Variants in MORN1 observed in about 807,000 individuals in gnomAD.
MORN1 encodes the protein MORN repeat containing 1.
Under a neutral mutation model 61.9 loss-of-function variants are expected in MORN1, and 67 were observed. That is an observed-to-expected ratio of 1.08 (90% CI 0.89 to 1.33). The LOEUF (loss-of-function observed/expected upper bound fraction) is 1.33, where lower values mean the gene tolerates loss of function less well. Ranked by LOEUF, MORN1 falls within the 40% of genes most tolerant of loss-of-function variation. MORN1 has a pLI of 0.00. For missense variants in MORN1, 752 were observed against 691.2 expected (o/e 1.09, Z -0.99); for synonymous variants, 301 against 292.0 (o/e 1.03, Z -0.31).
At chr1:2,354,291 A>G (rs2840530) in intron 10 of MORN1, among the ~76,000 whole-genome samples, 23,579 of 152,140 alleles carry the variant, frequency 0.15, 2,494 homozygotes, top group Admixed American at 0.32. Context: ...TAAGAAAAGG[A>G]AAGTAAAAGC....
At chr1:2,333,221 G>A (rs541108057) in intron 12 of MORN1, among the ~76,000 whole-genome samples, 3 of 152,340 alleles carry the variant, frequency 2.0e-5, no homozygotes, top group African/African-American at 4.8e-5. Context: ...CAGTGGGCAC[G>A]TCTAGCAGGG....
At chr1:2,360,852 G>A (rs949718377) in intron 8 of MORN1, among the ~76,000 whole-genome samples, 64 of 152,182 alleles carry the variant, frequency 4.2e-4, no homozygotes, top group Non-Finnish European at 7.9e-4. Flanking sequence ...CACAGGAAGC[G>A]GGGGCAAGCT....
chr1:2,328,021 C>G (rs1641073637), intron 12 of MORN1, among the ~76,000 whole-genome samples: 2 of 152,240 alleles, frequency 1.3e-5, no homozygotes, highest in Admixed American at 1.3e-4. Context: ...AGCAGAGCTC[C>G]AGGGAGCGGC....
Position 2,335,367 on chromosome 1 carries a change from A to T in MORN1, c.1250+1102T>A, listed in dbSNP as rs146117550. Among the ~76,000 whole-genome samples the T allele has an allele frequency of 5.2e-3, 798 of 152,172 alleles. 8 individuals are homozygous for T. Among genetic ancestry groups the T allele is most frequent in the African/African-American group, 0.018 (753 of 41,514 alleles). ...CCCCGGCACACTCACACTCACACTCACGTCCGCTTCTGTTTGCCGGATGGG... is the reference window on the plus strand; with the variant it reads ...CCCCGGCACACTCACACTCACACTCTCGTCCGCTTCTGTTTGCCGGATGGG... On this transcript the variant is annotated intron_variant, in intron 12 of 13. Transcript: ENST00000378531.
chr1:2,326,030 G>A (rs1373731063), intron 12 of MORN1, among the ~76,000 whole-genome samples: 6 of 152,086 alleles, frequency 3.9e-5, no homozygotes, highest in Non-Finnish European at 8.8e-5. Flanking sequence ...ACCCTCCCGC[G>A]GCCTCCTCCC....
At chr1:2,323,714 G>T (rs187280826) in intron 13 of MORN1, 39 of 985,288 alleles carry the variant, frequency 4.0e-5, no homozygotes, top group Non-Finnish European at 4.7e-5. Flanking sequence ...CCCTGCAGCC[G>T]GCCTTGCTGG....
intron 10 of MORN1, among the ~76,000 whole-genome samples, chr1:2,356,860 C>T (rs951851706): frequency 7.2e-5 from 11 of 152,208 alleles, no homozygotes; most frequent in African/African-American, 2.2e-4. Context: ...AAGTCTAGGC[C>T]GCACATTCTA....
intron 10 of MORN1, chr1:2,351,505 G>A (rs1027825872): frequency 1.1e-5 from 2 of 178,234 alleles, no homozygotes; most frequent in African/African-American, 4.8e-5. Context: ...GGCAAAGACA[G>A]CCATTCTCCC....
Position 2,388,172 on chromosome 1 carries a change from C to T in MORN1, c.247+67G>A, listed in dbSNP as rs115356589. On this transcript the variant is annotated intron_variant, in intron 3 of 13. Coordinates refer to ENST00000378531, the MANE Select transcript of MORN1 (RefSeq NM_024848.3). ...ACGTCACGCCTTCTGCATCTAGACT[C>T]GGCGGACCAACTGAGCCCGATGGGT... The T allele has an allele frequency of 8.7e-5, 111 of 1,269,566 alleles. No individual in the cohort carries two copies. The African/African-American group carries it at 1.1e-3, about 13-fold the overall frequency. 78.6% of individuals were successfully genotyped at this position (1,269,566 alleles called of 1,614,324 possible).
intron 10 of MORN1, among the ~76,000 whole-genome samples, chr1:2,344,654 C>T (rs999870222): frequency 6.6e-5 from 10 of 152,228 alleles, no homozygotes; most frequent in African/African-American, 1.4e-4. Flanking sequence ...CGGCCTCCTT[C>T]CCTGGGGGCC....
At chr1:2,368,853 T>C (rs1020514915) in intron 8 of MORN1, among the ~76,000 whole-genome samples, 6 of 151,884 alleles carry the variant, frequency 4.0e-5, no homozygotes, top group Non-Finnish European at 8.8e-5. Context: ...GGTCAGAAGA[T>C]GGAGACCATT....
chr1:2,348,179 G>A (rs965381519), intron 10 of MORN1, among the ~76,000 whole-genome samples: 1 of 152,226 alleles, frequency 6.6e-6, no homozygotes, highest in Non-Finnish European at 1.5e-5. Flanking sequence ...TGGCGTCTTC[G>A]AAGCTTCCAG....
chr1:2,369,437 T>C (rs1642069755), intron 8 of MORN1, among the ~76,000 whole-genome samples: 1 of 151,848 alleles, frequency 6.6e-6, no homozygotes, highest in Non-Finnish European at 1.5e-5. Context: ...CTTTCATTGC[T>C]GGAGGTAATG....
At chr1:2,335,557 C>T (rs535889372) in intron 12 of MORN1, among the ~76,000 whole-genome samples, 5 of 152,310 alleles carry the variant, frequency 3.3e-5, no homozygotes, top group Admixed American at 2.6e-4. Context: ...CCACCCCTGT[C>T]CCAGGAGGGC....
Position 2,363,811 on chromosome 1 carries a change from A to AAATAT in MORN1, c.746-5097_746-5096insATATT, listed in dbSNP as rs1199100386. 3.1e-3 allele frequency among the ~76,000 whole-genome samples: 425 copies of AAATAT among 135,100 alleles called. 3 individuals are homozygous for AAATAT. The highest frequency in any genetic ancestry group is 0.012 in the African/African-American group (381 of 32,940). The allele number at this position is 135,100 out of a possible 152,430, so 88.6% of individuals were successfully genotyped here. A position where few individuals can be genotyped will look rare whatever the true frequency, so the allele number is the denominator to read the frequency against. On this transcript the variant is annotated intron_variant, in intron 8 of 13. Transcript: ENST00000378531. Reference sequence around the variant, plus strand: ...AAACAAACAAACAAACAAACAAAAAAATATATATATATATAAAAAAAATCA... The same window carrying AAATAT: ...AAACAAACAAACAAACAAACAAAAAAAATATATATATATATATATAAAAAAAATCA...
At chr1:2,341,218 T>A (rs900037446) in intron 10 of MORN1, among the ~76,000 whole-genome samples, 1 of 152,154 alleles carries the variant, frequency 6.6e-6, no homozygotes, top group Non-Finnish European at 1.5e-5. Flanking sequence ...TTCCCTGTCT[T>A]GTCCCCAGCG....
At chr1:2,369,774 T>G (rs970321714) in intron 8 of MORN1, among the ~76,000 whole-genome samples, 3 of 152,184 alleles carry the variant, frequency 2.0e-5, no homozygotes, top group African/African-American at 7.2e-5. Context: ...TATTAATAGC[T>G]TTCACAAAGA....
At chr1:2,343,196 A>C (rs1018788257) in intron 10 of MORN1, among the ~76,000 whole-genome samples, 35 of 152,152 alleles carry the variant, frequency 2.3e-4, no homozygotes, top group Non-Finnish European at 3.5e-4. Context: ...CATGATGCTG[A>C]CGTTTCTCCA....
chr1:2,334,641 T>C lies in MORN1; in HGVS notation c.1250+1828A>G, dbSNP rs1373888129. ...GGGAAGTGGCCGCTGGTCACAGATG[T>C]GTGCCCCGAAGAGACGACATCATTT... is the stretch of plus-strand genomic sequence containing the variant. On this transcript the variant is annotated intron_variant, in intron 12 of 13. Transcript: ENST00000378531. The surrounding 1 kb of genome is among the most constrained non-coding windows in gnomAD (Gnocchi z 5.4). Among the ~76,000 whole-genome samples the C allele has an allele frequency of 6.6e-6, 1 of 152,024 alleles. No individual in the cohort carries two copies. Among genetic ancestry groups the C allele is most frequent in the Non-Finnish European group, 1.5e-5 (1 of 67,980 alleles).
Sources: allele counts gnomAD v4.1 joint callset (sites outside exome capture counted in the v4.1 genomes callset), GRCh38; gene constraint gnomAD v4.1.1; non-coding constraint Gnocchi (gnomAD v3.1); transcripts MANE v1.5; gene names NCBI Gene and HGNC (gene_info 2026-07-23, HGNC 2026-07-21).